FBN3: variants seen among roughly 807,000 people sequenced by gnomAD.
FBN3 encodes the protein fibrillin 3, also known as fibrillin-3.
In FBN3, 234 loss-of-function variants were observed where a neutral mutation model predicts 330.1. The observed-to-expected ratio is 0.71, with a 90% CI of 0.64 to 0.79. The LOEUF (loss-of-function observed/expected upper bound fraction) is 0.79, where lower values mean the gene tolerates loss of function less well. Among genes scored for constraint, FBN3 ranks in the 30% least tolerant of loss-of-function variants. FBN3 has a pLI of 0.00. For missense variants in FBN3, 3,606 were observed against 3,886.9 expected, an observed-to-expected ratio of 0.93 and a Z score of 1.92; for synonymous variants, 1,458 against 1,517.3, an observed-to-expected ratio of 0.96 and a Z score of 0.91.
chr19:8,142,857 C>G (rs1340851461), intron 6 of FBN3, among the ~76,000 whole-genome samples: 1 of 149,104 alleles, frequency 6.7e-6, no homozygotes, highest in Non-Finnish European at 1.5e-5. Flanking sequence ...GCAGCTCCCC[C>G]ACTCCCCCTC....
intron 8 of FBN3, among the ~76,000 whole-genome samples, chr19:8,138,865 G>A (rs1322840396): frequency 6.6e-6 from 1 of 151,984 alleles, no homozygotes; most frequent in Non-Finnish European, 1.5e-5. Flanking sequence ...TGACCAACAT[G>A]GCGAAACCTC....
chr19:8,103,735 A>G, intron 38 of FBN3, 48 bp from the exon 39 acceptor site: 1 of 1,590,668 alleles, frequency 6.3e-7, no homozygotes, highest in Non-Finnish European at 8.6e-7. Flanking sequence ...GCGTCCAGGA[A>G]TTGTCTGAAT....
intron 61 of FBN3, 161 bp downstream of exon 61, chr19:8,074,910 G>T: frequency 1.2e-6 from 1 of 867,120 alleles, no homozygotes; most frequent in Non-Finnish European, 1.7e-6. Flanking sequence ...GCTGCACCTT[G>T]ACTCCCCAGC....
chr19:8,133,015 G>A lies in FBN3; in HGVS notation c.1683C>T (p.Phe561=), dbSNP rs773494171. ...GSFSCLCKPG[F]LLAPGGHYCM... ...AGTAGTGGCCGCCAGGCGCCAGCAGGAAGCCGGGTTTGCAGAGGCAGGAGA... is the reference window on the plus strand; with the variant it reads ...AGTAGTGGCCGCCAGGCGCCAGCAGAAAGCCGGGTTTGCAGAGGCAGGAGA... Residue 561 remains phenylalanine (F), a synonymous_variant, in exon 14 of 64, where the codon TTC becomes TTT. Transcript: ENST00000600128. The A allele has an allele frequency of 6.3e-7, 1 of 1,580,214 alleles. No individual in the cohort carries two copies. The highest frequency in any genetic ancestry group is 8.6e-7 in the Non-Finnish European group (1 of 1,165,658).
intron 16 of FBN3, among the ~76,000 whole-genome samples, chr19:8,130,386 C>T (rs1482784777): frequency 6.8e-6 from 1 of 147,362 alleles, no homozygotes; most frequent in Non-Finnish European, 1.5e-5. Flanking sequence ...AGCTGCATGC[C>T]TGTAATCCCA....
intron 30 of FBN3, among the ~76,000 whole-genome samples, chr19:8,113,875 G>A (rs1237740191): frequency 6.6e-6 from 1 of 151,338 alleles, no homozygotes; most frequent in Non-Finnish European, 1.5e-5. Context: ...GAGTGTGGCG[G>A]CACGTGTGGG....
intron 48 of FBN3, among the ~76,000 whole-genome samples, chr19:8,090,854 G>A (rs946277781): frequency 6.6e-6 from 1 of 152,098 alleles, no homozygotes; most frequent in African/African-American, 2.4e-5. Flanking sequence ...CTCATGCCAG[G>A]AAGAAAGATC....
intron 37 of FBN3, among the ~76,000 whole-genome samples, chr19:8,107,781 T>A (rs1376310265): frequency 6.7e-6 from 1 of 149,638 alleles, no homozygotes; most frequent in Non-Finnish European, 1.5e-5. Flanking sequence ...TGTATGGATG[T>A]ACTGGATGGA....
At chr19:8,119,284 A>G (rs2082783005) in intron 25 of FBN3, among the ~76,000 whole-genome samples, 1 of 152,140 alleles carries the variant, frequency 6.6e-6, no homozygotes, top group African/African-American at 2.4e-5. Context: ...GGCCACTAGA[A>G]ACGGCACTAA....
At chr19:8,095,640 T>A in intron 45 of FBN3, 137 bp from the exon 46 acceptor site, 1 of 844,876 alleles carries the variant, frequency 1.2e-6, no homozygotes, top group Non-Finnish European at 1.8e-6. Context: ...ACTATGTATA[T>A]TAGCCTTCTA....
chr19:8,129,272 T>C lies in FBN3; in HGVS notation c.2138A>G (p.Tyr713Cys), dbSNP rs779941874. Residue 713 changes from tyrosine (Y) to cysteine (C), a missense_variant, in exon 17 of 64, where the codon TAT becomes TGT. Coordinates refer to ENST00000600128, the MANE Select transcript of FBN3 (RefSeq NM_032447.5). The surrounding 1 kb of genome is among the most constrained non-coding windows in gnomAD (Gnocchi z 4.5). ...GSYRCVCNLG[Y>C]EAGASGKDCT... ...GTCCTTGCCTGAGGCACCTGCCTCA[T>C]AACCCAGGTTGCAGACACAGCGGTA... 7 of 1,614,140 alleles carry C rather than the reference T, an allele frequency of 4.3e-6. No individual in the cohort carries two copies. The South Asian group carries it at 7.7e-5, about 18-fold the overall frequency.
chr19:8,083,240 G>T lies in FBN3; in HGVS notation c.7213+7C>A, dbSNP rs974530094. 1.2e-6 allele frequency: 2 copies of T among 1,613,894 alleles called. No individual in the cohort carries two copies. The highest frequency in any genetic ancestry group is 4.5e-5 in the East Asian group (2 of 44,876). ...CCAAGGGTGCAGGTGCAGAGGGCTGGGCTCACCCAGGCAGGTAGTAGCAGT... is the reference window on the plus strand; with the variant it reads ...CCAAGGGTGCAGGTGCAGAGGGCTGTGCTCACCCAGGCAGGTAGTAGCAGT... On this transcript the variant is annotated splice_region_variant and intron_variant, in intron 57 of 63. Transcript: ENST00000600128.
At chr19:8,103,128 G>A (rs1427791431) in intron 39 of FBN3, among the ~76,000 whole-genome samples, 8 of 151,410 alleles carry the variant, frequency 5.3e-5, no homozygotes, top group Non-Finnish European at 1.0e-4. Flanking sequence ...TTAGCTAGGT[G>A]TGGTGGCACA....
At chr19:8,117,825 A>G (rs535947645) in intron 26 of FBN3, among the ~76,000 whole-genome samples, 38 of 152,000 alleles carry the variant, frequency 2.5e-4, no homozygotes, top group Non-Finnish European at 5.3e-4. Context: ...ACTCACAAAC[A>G]CACCCTGGCA....
At chr19:8,123,029 C>T (rs1418640858) in intron 24 of FBN3, among the ~76,000 whole-genome samples, 4 of 151,968 alleles carry the variant, frequency 2.6e-5, no homozygotes, top group African/African-American at 9.7e-5. Flanking sequence ...CTAGGTCACA[C>T]AGCACAGAGG....
rs754612733 is a variant in FBN3 at position 8,116,726 on chromosome 19, G to A, written c.3660C>T (p.Arg1220=). The A allele has an allele frequency of 6.2e-7, 1 of 1,614,048 alleles. No homozygotes were observed. The highest frequency in any genetic ancestry group is 1.7e-5 in the Admixed American group (1 of 60,006). ...CCATGAAGCCATCATAGCACAGGCA[G>A]CGGTGACCCCCTGGCATGTTGGTGC... ...GHCTNMPGGH[R]CLCYDGFMAT... Residue 1220 remains arginine, a synonymous_variant, in exon 29 of 64, where the codon CGC becomes CGT. Coordinates refer to ENST00000600128, the MANE Select transcript of FBN3 (RefSeq NM_032447.5).
In FBN3 at chr19:8,133,014, G is replaced by A. The variant is rs2083186798; in HGVS notation, c.1684C>T (p.Leu562=). Residue 562 remains leucine, a synonymous_variant, in exon 14 of 64, where the codon CTG becomes TTG. Coordinates refer to ENST00000600128, the MANE Select transcript of FBN3 (RefSeq NM_032447.5). ...SFSCLCKPGF[L]LAPGGHYCMD... is the part of the protein sequence containing the mutation. ...CAGTAGTGGCCGCCAGGCGCCAGCA[G>A]GAAGCCGGGTTTGCAGAGGCAGGAG... is the stretch of plus-strand genomic sequence containing the variant. 2.5e-6 allele frequency: 4 copies of A among 1,579,654 alleles called. No homozygotes were observed. Among genetic ancestry groups the A allele is most frequent in the Non-Finnish European group, 3.4e-6 (4 of 1,165,360 alleles).
intron 21 of FBN3, 81 bp downstream of exon 21, chr19:8,126,216 G>T: frequency 6.7e-7 from 1 of 1,482,222 alleles, no homozygotes; most frequent in Non-Finnish European, 9.3e-7. Flanking sequence ...CGGGGCCGGA[G>T]GTGGCACCCA....
intron 47 of FBN3, among the ~76,000 whole-genome samples, chr19:8,093,618 G>A (rs781701891): frequency 3.9e-5 from 6 of 151,980 alleles, no homozygotes; most frequent in South Asian, 4.1e-4. Flanking sequence ...GTGAGACTCC[G>A]TCTCAAAAAA....
Sources: allele counts gnomAD v4.1 joint callset (sites outside exome capture counted in the v4.1 genomes callset), GRCh38; gene constraint gnomAD v4.1.1; non-coding constraint Gnocchi (gnomAD v3.1); transcripts MANE v1.5; gene names NCBI Gene and HGNC (gene_info 2026-07-23, HGNC 2026-07-21).